The following ATP8B4 variants were observed in gnomAD, a reference collection of about 807,000 sequenced individuals.
ATP8B4 encodes the protein ATPase phospholipid transporting 8B4 (putative).
A neutral mutation model predicts 145.6 loss-of-function variants in ATP8B4; 133 were observed. The observed-to-expected ratio is 0.91, with a 90% CI of 0.79 to 1.05. ATP8B4 has a LOEUF of 1.05. ATP8B4 is among the 50% of genes least tolerant of loss of function. ATP8B4 has a pLI of 0.00. For synonymous variants in ATP8B4, 507 were observed against 492.9 expected, an observed-to-expected ratio of 1.03 and a Z score of -0.38; for missense variants, 1,458 against 1,425.2, an observed-to-expected ratio of 1.02 and a Z score of -0.37.
At chr15:50,020,632 T>C (rs1264025150) in intron 6 of ATP8B4, among the ~76,000 whole-genome samples, 1 of 152,160 alleles carries the variant, frequency 6.6e-6, no homozygotes, top group Non-Finnish European at 1.5e-5. Flanking sequence ...GATAGAATTC[T>C]GGTTTCCTAG....
At position 49,859,390 on chromosome 15, in the gene ATP8B4, T is replaced by A. The variant is rs1235063768; in HGVS notation, c.*804A>T. Reference sequence around the variant, plus strand: ...TGCTTTGCTGATTCTATTAATGGTCTGGATGATGCTCAGCAAATTACTACT... The same window carrying A: ...TGCTTTGCTGATTCTATTAATGGTCAGGATGATGCTCAGCAAATTACTACT... On this transcript the variant is annotated 3_prime_UTR_variant, in exon 28 of 28. Transcript: ENST00000284509. 1 of 152,234 alleles carries A rather than the reference T, an allele frequency of 6.6e-6. No homozygotes were observed. Among genetic ancestry groups the A allele is most frequent in the Non-Finnish European group, 1.5e-5 (1 of 68,044 alleles). The allele number at this position is 152,234 out of a possible 1,614,324, so 9.4% of individuals were successfully genotyped here. A position where few individuals can be genotyped will look rare whatever the true frequency, so the allele number is the denominator to read the frequency against.
chr15:50,042,099 G>A (rs1287802103), intron 5 of ATP8B4, among the ~76,000 whole-genome samples: 1 of 151,212 alleles, frequency 6.6e-6, no homozygotes, highest in Non-Finnish European at 1.5e-5. Flanking sequence ...AAGTTGCAGT[G>A]AGCCGAGATC....
chr15:50,044,484 T>C (rs2051565489), intron 5 of ATP8B4, 110 bp downstream of exon 5: 1 of 712,038 alleles, frequency 1.4e-6, no homozygotes, highest in African/African-American at 1.8e-5. Flanking sequence ...CTTTATATGA[T>C]ATTAACCAAA....
chr15:50,134,191 G>T (rs540381575), intron 1 of ATP8B4, among the ~76,000 whole-genome samples: 1 of 151,028 alleles, frequency 6.6e-6, no homozygotes, highest in Non-Finnish European at 1.5e-5. Flanking sequence ...AGAGGGAAAT[G>T]GAAAAAAAGA....
At chr15:50,181,586 C>G (rs925542968) in intron 1 of ATP8B4, among the ~76,000 whole-genome samples, 1 of 152,214 alleles carries the variant, frequency 6.6e-6, no homozygotes, top group Non-Finnish European at 1.5e-5. Flanking sequence ...AGGACTCCCC[C>G]GACCAGGCAG....
intron 1 of ATP8B4, among the ~76,000 whole-genome samples, chr15:50,177,217 T>C (rs2044777364): frequency 6.6e-6 from 1 of 152,210 alleles, no homozygotes; most frequent in Non-Finnish European, 1.5e-5. Flanking sequence ...TTGTCAAGAA[T>C]GGCCCTGTGC....
rs183326814 is a variant in ATP8B4 at position 49,974,104 on chromosome 15, C to T, written c.1035-1314G>A. ...GTCTTTTTTTTTTTTTTTTTTGAGACGGAGTTCCGCTCTTGTTGCCTAAGC... is the reference window on the plus strand; with the variant it reads ...GTCTTTTTTTTTTTTTTTTTTGAGATGGAGTTCCGCTCTTGTTGCCTAAGC... On this transcript the variant is annotated intron_variant, in intron 12 of 27. Coordinates refer to ENST00000284509, the MANE Select transcript of ATP8B4 (RefSeq NM_024837.4). Among the ~76,000 whole-genome samples the T allele has an allele frequency of 4.2e-3, 507 of 121,322 alleles. 3 individuals are homozygous for T. The highest frequency in any genetic ancestry group is 6.5e-3 in the Admixed American group (72 of 11,068). 79.6% of individuals were successfully genotyped at this position (121,322 alleles called of 152,430 possible). A position where few individuals can be genotyped will look rare whatever the true frequency, so the allele number is the denominator to read the frequency against.
intron 9 of ATP8B4, among the ~76,000 whole-genome samples, chr15:49,995,362 AC>A (rs897308442): frequency 1.3e-5 from 2 of 152,176 alleles, no homozygotes; most frequent in Non-Finnish European, 2.9e-5. Context: ...AACACAATTT[AC>A]TTTTCTTGGA....
At chr15:49,906,373 G>T (rs2038626339) in intron 20 of ATP8B4, among the ~76,000 whole-genome samples, 1 of 152,146 alleles carries the variant, frequency 6.6e-6, no homozygotes, top group Admixed American at 6.5e-5. Context: ...CCCAACAACA[G>T]CATACAAGTA....
intron 14 of ATP8B4, among the ~76,000 whole-genome samples, chr15:49,936,532 A>G (rs1188402595): frequency 6.6e-6 from 1 of 152,064 alleles, no homozygotes; most frequent in Non-Finnish European, 1.5e-5. Context: ...TCTGACTTTC[A>G]TCTTTTGGTA....
intron 1 of ATP8B4, among the ~76,000 whole-genome samples, chr15:50,116,743 C>T (rs1040776161): frequency 6.6e-6 from 1 of 151,914 alleles, no homozygotes; most frequent in Non-Finnish European, 1.5e-5. Flanking sequence ...ACCTTTTCCC[C>T]TAGGCATCTA....
chr15:49,957,384 G>T (rs1459236928), intron 14 of ATP8B4, among the ~76,000 whole-genome samples: 1 of 151,584 alleles, frequency 6.6e-6, no homozygotes, highest in Non-Finnish European at 1.5e-5. Flanking sequence ...AAAAGAAAGA[G>T]ACCATATAAG....
chr15:49,878,463 T>C (rs2034847919), intron 24 of ATP8B4, among the ~76,000 whole-genome samples: 1 of 152,120 alleles, frequency 6.6e-6, no homozygotes, highest in Non-Finnish European at 1.5e-5. Context: ...GCCCAGAAAA[T>C]GAGGCCTAGC....
intron 2 of ATP8B4, among the ~76,000 whole-genome samples, chr15:50,098,603 T>C (rs886115416): frequency 6.6e-6 from 1 of 152,028 alleles, no homozygotes; most frequent in Non-Finnish European, 1.5e-5. Flanking sequence ...GTTTTTAACT[T>C]ATAGTGGCAA....
At chr15:50,132,758 C>T (rs533981597) in intron 1 of ATP8B4, among the ~76,000 whole-genome samples, 83 of 152,324 alleles carry the variant, frequency 5.4e-4, no homozygotes, top group African/African-American at 2.0e-3. Context: ...GGCACATGTA[C>T]ACCATGGAAT....
chr15:49,862,484 T>C (rs987205940), intron 26 of ATP8B4, 109 bp from the exon 27 acceptor site: 11 of 1,253,216 alleles, frequency 8.8e-6, no homozygotes, highest in South Asian at 3.0e-5. Flanking sequence ...GATGGAGTCT[T>C]GCTCTGTCTT....
At chr15:50,114,130 A>ATTTTTTTTTTTTTTTTTTTTTT (rs1595606713) in intron 1 of ATP8B4, among the ~76,000 whole-genome samples, 60 of 71,990 alleles carry the variant, frequency 8.3e-4, no homozygotes, top group Non-Finnish European at 9.9e-4. Context: ...TTTTTTTTTA[A>ATTTTTTTTTTTTTTTTTTTTTT]TTTTCATAGA....
intron 18 of ATP8B4, 45 bp from the exon 19 acceptor site, chr15:49,918,995 A>C (rs937068375): frequency 7.4e-7 from 1 of 1,347,564 alleles, no homozygotes; most frequent in African/African-American, 1.5e-5. Flanking sequence ...GCATGCAAAC[A>C]ATATCTATAA....
In ATP8B4 at chr15:49,973,622, A is replaced by G. The variant is rs115289429; in HGVS notation, c.1035-832T>C. 7.7e-3 allele frequency among the ~76,000 whole-genome samples: 1,001 copies of G among 130,276 alleles called. 14 individuals are homozygous for G. Among genetic ancestry groups the G allele is most frequent in the African/African-American group, 0.033 (959 of 28,890 alleles). 85.5% of individuals were successfully genotyped at this position (130,276 alleles called of 152,430 possible). On this transcript the variant is annotated intron_variant, in intron 12 of 27. Transcript: ENST00000284509. ...GTGTTGCATCACATTCTAATTACAT[A>G]ATTACATTAATTATTACAATAATTA...
Sources: allele counts gnomAD v4.1 joint callset (sites outside exome capture counted in the v4.1 genomes callset), GRCh38; gene constraint gnomAD v4.1.1; transcripts MANE v1.5; gene names NCBI Gene and HGNC (gene_info 2026-07-23, HGNC 2026-07-21).